TMPRSS15: variants seen among roughly 807,000 people sequenced by gnomAD.
TMPRSS15 encodes the protein enteropeptidase.
In TMPRSS15, 128 loss-of-function variants were observed where a neutral mutation model predicts 125.3. The ratio of observed to expected loss-of-function variants is 1.02; its 90% CI spans 0.89 to 1.18. TMPRSS15 has a LOEUF of 1.18. Ranked by LOEUF, TMPRSS15 falls within the 50% of genes most tolerant of loss-of-function variation. The probability of loss-of-function intolerance (pLI) is 0.00; values close to 1 mark genes in which losing one functional copy is unlikely to be tolerated. For missense variants in TMPRSS15, 1,283 were observed against 1,212.7 expected, an observed-to-expected ratio of 1.06 and a Z score of -0.86; for synonymous variants, 446 against 423.2, an observed-to-expected ratio of 1.05 and a Z score of -0.66.
chr21:18,474,160 T>C (rs1312429120), intron 1 of TMPRSS15, among the ~76,000 whole-genome samples: 1 of 152,124 alleles, frequency 6.6e-6, no homozygotes, highest in African/African-American at 2.4e-5. Flanking sequence ...TATATCTCTG[T>C]ATGTGGGTAT....
intron 1 of TMPRSS15, among the ~76,000 whole-genome samples, chr21:18,422,582 C>T (rs75749265): frequency 3.6e-3 from 554 of 152,192 alleles, no homozygotes; most frequent in Non-Finnish European, 6.2e-3. Context: ...CTCACGATAA[C>T]CCTATGATGT....
At chr21:18,315,930 G>A (rs1390127522) in intron 16 of TMPRSS15, among the ~76,000 whole-genome samples, 1 of 147,122 alleles carries the variant, frequency 6.8e-6, no homozygotes, top group Non-Finnish European at 1.5e-5. Context: ...CAAATGACGA[G>A]TTAATGGGTG....
intron 21 of TMPRSS15, among the ~76,000 whole-genome samples, chr21:18,286,014 GAAGT>G (rs1418895468): frequency 4.6e-5 from 7 of 152,206 alleles, no homozygotes; most frequent in African/African-American, 7.2e-5. Flanking sequence ...GTAAGAAACA[GAAGT>G]AAGTACAGCA....
intron 21 of TMPRSS15, among the ~76,000 whole-genome samples, chr21:18,293,735 C>T (rs192203947): frequency 6.6e-6 from 1 of 152,160 alleles, no homozygotes; most frequent in Non-Finnish European, 1.5e-5. Flanking sequence ...GATATTAGTT[C>T]TAAATTTCAG....
chr21:18,477,207 G>A (rs945931954), intron 1 of TMPRSS15, among the ~76,000 whole-genome samples: 4 of 152,084 alleles, frequency 2.6e-5, no homozygotes, highest in Non-Finnish European at 5.9e-5. Context: ...AGTGGAGCCT[G>A]CAGATGATTA....
intron 1 of TMPRSS15, among the ~76,000 whole-genome samples, chr21:18,451,064 A>G (rs1209199192): frequency 1.3e-5 from 2 of 152,038 alleles, no homozygotes; most frequent in African/African-American, 4.8e-5. Flanking sequence ...TATGCAAAAG[A>G]TTCTCTTTTT....
At chr21:18,318,296 G>T (rs937483023) in intron 16 of TMPRSS15, among the ~76,000 whole-genome samples, 1 of 152,268 alleles carries the variant, frequency 6.6e-6, no homozygotes, top group East Asian at 1.9e-4. Flanking sequence ...TGTCTATAGT[G>T]CAATATTCCA....
intron 17 of TMPRSS15, among the ~76,000 whole-genome samples, chr21:18,313,733 A>G (rs991792402): frequency 3.9e-5 from 6 of 151,980 alleles, no homozygotes; most frequent in Non-Finnish European, 7.4e-5. Context: ...AACCATAAAA[A>G]TGGAAAATGC....
At chr21:18,423,035 G>A (rs997880318) in intron 1 of TMPRSS15, among the ~76,000 whole-genome samples, 3 of 152,216 alleles carry the variant, frequency 2.0e-5, no homozygotes, top group Non-Finnish European at 2.9e-5. Flanking sequence ...CATATGCAGT[G>A]CCTGTGTGGA....
intron 16 of TMPRSS15, among the ~76,000 whole-genome samples, chr21:18,321,098 G>A (rs2075229439): frequency 6.7e-6 from 1 of 148,586 alleles, no homozygotes; most frequent in African/African-American, 2.5e-5. Context: ...GATAAACACT[G>A]TTGAATTCCA....
At chr21:18,313,349 C>CTCTA (rs1555895998) in intron 17 of TMPRSS15, among the ~76,000 whole-genome samples, 38,347 of 149,224 alleles carry the variant, frequency 0.26, 5,543 homozygotes, top group Non-Finnish European at 0.32. Context: ...CTCTCTCTCT[C>CTCTA]TATATATATA....
chr21:18,389,004 T>TC (rs2075968714), intron 3 of TMPRSS15, among the ~76,000 whole-genome samples: 2 of 151,384 alleles, frequency 1.3e-5, no homozygotes, highest in African/African-American at 4.9e-5. Flanking sequence ...TAGGGGCAGC[T>TC]CCTGGGATTA....
At chr21:18,297,852 T>C in intron 18 of TMPRSS15, 23 bp from the exon 19 acceptor site, 2 of 1,544,652 alleles carry the variant, frequency 1.3e-6, no homozygotes, top group Non-Finnish European at 1.8e-6. Flanking sequence ...GAAAAAAGCA[T>C]ACAGACAAAA....
intron 16 of TMPRSS15, among the ~76,000 whole-genome samples, chr21:18,321,507 C>T (rs899878457): frequency 1.5e-4 from 23 of 151,966 alleles, no homozygotes; most frequent in African/African-American, 3.4e-4. Flanking sequence ...TGCCTGCCAC[C>T]ACGCCCAGCT....
At chr21:18,364,197 C>CAATAT (rs1207141432) in intron 7 of TMPRSS15, among the ~76,000 whole-genome samples, 4 of 151,982 alleles carry the variant, frequency 2.6e-5, no homozygotes, top group Non-Finnish European at 4.4e-5. Context: ...CAATCATCAT[C>CAATAT]AATATAATAT....
At chr21:18,452,712 T>A (rs114578151) in intron 1 of TMPRSS15, among the ~76,000 whole-genome samples, 1,662 of 152,182 alleles carry the variant, frequency 0.011, 27 homozygotes, top group African/African-American at 0.038. Context: ...TGAATAGGAA[T>A]ATGGATAAAG....
chr21:18,305,251 C>G (rs543500481), intron 18 of TMPRSS15, among the ~76,000 whole-genome samples: 5 of 128,820 alleles, frequency 3.9e-5, no homozygotes, highest in Admixed American at 9.8e-5. Flanking sequence ...TGCAGTGGCG[C>G]GATCTCGGCT....
intron 21 of TMPRSS15, among the ~76,000 whole-genome samples, chr21:18,284,531 C>G (rs1356975370): frequency 2.0e-5 from 3 of 152,164 alleles, no homozygotes; most frequent in Non-Finnish European, 4.4e-5. Context: ...CAGGTGAAGA[C>G]AGCCTTCAGA....
chr21:18,435,680 T>G (rs1052239255), intron 1 of TMPRSS15, among the ~76,000 whole-genome samples: 2 of 152,152 alleles, frequency 1.3e-5, no homozygotes, highest in African/African-American at 4.8e-5. Context: ...CTTTTTCTAT[T>G]GATTGGAATA....
Sources: allele counts gnomAD v4.1 joint callset (sites outside exome capture counted in the v4.1 genomes callset), GRCh38; gene constraint gnomAD v4.1.1; transcripts MANE v1.5; gene names NCBI Gene and HGNC (gene_info 2026-07-23, HGNC 2026-07-21).